UGT1A4: variants seen among roughly 807,000 people sequenced by gnomAD.
UGT1A4 encodes the protein UDP-glucuronosyltransferase 1A4.
UGT1A4 carries 32 observed loss-of-function variants against 41.1 expected under a neutral mutation model. That is an observed-to-expected ratio of 0.78 (90% confidence interval 0.59 to 1.05). The LOEUF (loss-of-function observed/expected upper bound fraction) is 1.05. Ranked by LOEUF, UGT1A4 falls within the 50% of genes least tolerant of loss-of-function variation. UGT1A4 has a pLI of 0.00. For synonymous variants in UGT1A4, 283 were observed against 265.1 expected, an observed-to-expected ratio of 1.07 and a Z score of -0.66; for missense variants, 748 against 677.4, an observed-to-expected ratio of 1.10 and a Z score of -1.16.
At chr2:233,747,748 A>G in intron 1 of UGT1A4, 1 of 1,613,310 alleles carries the variant, frequency 6.2e-7, no homozygotes, top group Non-Finnish European at 8.5e-7. Flanking sequence ...ATTCCATGTG[A>G]TTTAGACTTT....
At chr2:233,747,297 T>TG (rs1437353605) in intron 1 of UGT1A4, 13 of 1,601,102 alleles carry the variant, frequency 8.1e-6, no homozygotes, top group Non-Finnish European at 1.1e-5. Context: ...GGGCTGAGAG[T>TG]GGGAAGGTGC....
chr2:233,750,369 G>A (rs1694438903), intron 1 of UGT1A4, among the ~76,000 whole-genome samples: 1 of 151,932 alleles, frequency 6.6e-6, no homozygotes, highest in African/African-American at 2.4e-5. Flanking sequence ...TAAAAGGGAA[G>A]CAGAGCATAA....
At chr2:233,743,602 G>T in intron 1 of UGT1A4, 1 of 1,367,274 alleles carries the variant, frequency 7.3e-7, no homozygotes, top group Non-Finnish European at 9.8e-7. Context: ...GGTCCTGGCC[G>T]CCGAAGAACT....
chr2:233,728,280 T>C (rs2077695615), intron 1 of UGT1A4, among the ~76,000 whole-genome samples: 1 of 152,156 alleles, frequency 6.6e-6, no homozygotes, highest in Non-Finnish European at 1.5e-5. Flanking sequence ...GCCTTCGGCA[T>C]TCAGAAGAGG....
chr2:233,718,968 G>A lies in UGT1A4; in HGVS notation c.148G>A (p.Glu50Lys), dbSNP rs1423240253. 1 of 1,614,222 alleles carries A rather than the reference G, an allele frequency of 6.2e-7. No homozygotes were observed. Among genetic ancestry groups the A allele is most frequent in the Non-Finnish European group, 8.5e-7 (1 of 1,180,038 alleles). The change falls in exon 1 of 5, where the codon GAG (glutamate) becomes AAG (lysine). Residue 50 changes from glutamate (E) to lysine (K), a missense_variant. Glu to Lys is a moderately conservative substitution (Grantham distance 56, BLOSUM62 1). Coordinates refer to ENST00000373409, the MANE Select transcript of UGT1A4 (RefSeq NM_007120.3). ...GCTCAGCATGCGGGAGGCCTTGCGG[G>A]AGCTCCATGCCAGAGGCCACCAGGC... is the stretch of plus-strand genomic sequence containing the variant. ...PWLSMREALR[E>K]LHARGHQAVV...
intron 1 of UGT1A4, chr2:233,760,635 A>G (rs1697508597): frequency 6.2e-7 from 1 of 1,614,006 alleles, no homozygotes; most frequent in African/African-American, 1.3e-5. Context: ...ACAAGAAAAT[A>G]AAAAAGGACT....
chr2:233,729,312 C>T, intron 1 of UGT1A4: 1 of 1,614,236 alleles, frequency 6.2e-7, no homozygotes, highest in South Asian at 1.1e-5. Context: ...TGGTCCTCAC[C>T]CCAGAGGTGA....
At chr2:233,754,901 C>G (rs996500791) in intron 1 of UGT1A4, 1 of 1,352,458 alleles carries the variant, frequency 7.4e-7, no homozygotes, top group South Asian at 1.1e-5. Flanking sequence ...TCTGACCCCC[C>G]AAAATATTCT....
intron 1 of UGT1A4, among the ~76,000 whole-genome samples, chr2:233,722,626 G>T (rs1272001840): frequency 1.3e-5 from 2 of 152,128 alleles, no homozygotes; most frequent in African/African-American, 4.8e-5. Context: ...TCTTAATGAA[G>T]CATTGAGGGC....
intron 1 of UGT1A4, among the ~76,000 whole-genome samples, chr2:233,721,233 T>C (rs911538270): frequency 5.3e-5 from 8 of 152,262 alleles, no homozygotes; most frequent in African/African-American, 1.9e-4. Context: ...ATGTAGTTAC[T>C]GAATTGTAAA....
At chr2:233,761,712 C>G (rs1355356029) in intron 1 of UGT1A4, among the ~76,000 whole-genome samples, 1 of 152,230 alleles carries the variant, frequency 6.6e-6, no homozygotes, top group Non-Finnish European at 1.5e-5. Context: ...GTTTCATTCT[C>G]AAGCTATTAG....
chr2:233,772,112 C>T (rs1700461982), intron 4 of UGT1A4, 150 bp from the exon 5 acceptor site: 2 of 1,527,992 alleles, frequency 1.3e-6, no homozygotes, highest in Non-Finnish European at 1.8e-6. Flanking sequence ...GACTCTGTAT[C>T]TAAAAACAAC....
intron 4 of UGT1A4, chr2:233,771,337 C>A (rs949199935): frequency 6.6e-6 from 1 of 152,084 alleles, no homozygotes; most frequent in Non-Finnish European, 1.5e-5. Flanking sequence ...CCTCTTCATT[C>A]CTGTAGCACC....
At chr2:233,748,890 T>C (rs1434847115) in intron 1 of UGT1A4, among the ~76,000 whole-genome samples, 1 of 151,534 alleles carries the variant, frequency 6.6e-6, no homozygotes, top group African/African-American at 2.4e-5. Flanking sequence ...TGGACATGTG[T>C]CCAAGAAGGG....
intron 1 of UGT1A4, among the ~76,000 whole-genome samples, chr2:233,753,965 T>C (rs1263394667): frequency 6.6e-6 from 1 of 152,232 alleles, no homozygotes; most frequent in East Asian, 1.9e-4. Flanking sequence ...ATTAAGAGAA[T>C]AACGTGTGTT....
chr2:233,748,973 C>T (rs1032988654), intron 1 of UGT1A4, among the ~76,000 whole-genome samples: 3 of 151,678 alleles, frequency 2.0e-5, no homozygotes, highest in African/African-American at 7.3e-5. Flanking sequence ...ATAGTGGGAT[C>T]TACTTCTTTA....
intron 1 of UGT1A4, chr2:233,747,664 T>C (rs942017762): frequency 1.4e-5 from 23 of 1,600,812 alleles, no homozygotes; most frequent in South Asian, 1.4e-4. Flanking sequence ...GTGGTTTTAA[T>C]AGACCCAATT....
chr2:233,732,686 C>A (rs1472057155), intron 1 of UGT1A4, among the ~76,000 whole-genome samples: 1 of 151,722 alleles, frequency 6.6e-6, no homozygotes, highest in African/African-American at 2.4e-5. Flanking sequence ...GGTACCAGCA[C>A]CCATGCTGTT....
intron 1 of UGT1A4, among the ~76,000 whole-genome samples, chr2:233,750,227 A>C (rs977533582): frequency 6.6e-6 from 1 of 151,900 alleles, no homozygotes; most frequent in Admixed American, 6.5e-5. Flanking sequence ...GAGATGAGGA[A>C]CTTATTGGGA....
Sources: allele counts gnomAD v4.1 joint callset (sites outside exome capture counted in the v4.1 genomes callset), GRCh38; gene constraint gnomAD v4.1.1; transcripts MANE v1.5; gene names NCBI Gene and HGNC (gene_info 2026-07-23, HGNC 2026-07-21).